The following IRAG1 variants were observed in gnomAD, a reference collection of about 807,000 sequenced individuals.
IRAG1 encodes the protein IP3R-associated cGMP kinase substrate.
In IRAG1, 62 loss-of-function variants were observed where a neutral mutation model predicts 106.2. The ratio of observed to expected loss-of-function variants is 0.58; its 90% CI spans 0.48 to 0.72. The LOEUF (loss-of-function observed/expected upper bound fraction) is 0.72, where lower values mean the gene tolerates loss of function less well. IRAG1 is among the 30% of genes least tolerant of loss of function. IRAG1 has a pLI of 0.00. For synonymous variants in IRAG1, 462 were observed against 443.9 expected, an observed-to-expected ratio of 1.04 and a Z score of -0.51; for missense variants, 1,064 against 1,140.7, an observed-to-expected ratio of 0.93 and a Z score of 0.97.
intron 1 of IRAG1, among the ~76,000 whole-genome samples, chr11:10,675,121 C>T (rs553146106): frequency 6.6e-6 from 1 of 152,344 alleles, no homozygotes; most frequent in Non-Finnish European, 1.5e-5. Flanking sequence ...ATCTCCCTGG[C>T]TGTGCACCAT....
chr11:10,643,256 C>T (rs935832342), intron 2 of IRAG1, among the ~76,000 whole-genome samples: 1 of 148,132 alleles, frequency 6.8e-6, no homozygotes, highest in Non-Finnish European at 1.5e-5. Flanking sequence ...CCTAGGGGCA[C>T]AGGAGAGAGC....
chr11:10,680,685 C>A (rs1861186931), intron 1 of IRAG1, among the ~76,000 whole-genome samples: 1 of 151,996 alleles, frequency 6.6e-6, no homozygotes. Flanking sequence ...GGTTCATATC[C>A]CAGCCCTGCC....
chr11:10,686,928 A>C (rs1861700372), intron 1 of IRAG1, among the ~76,000 whole-genome samples: 1 of 152,256 alleles, frequency 6.6e-6, no homozygotes, highest in Non-Finnish European at 1.5e-5. Context: ...CCCAGAAGAA[A>C]GGAGTTAAGA....
At chr11:10,653,052 TC>T (rs1336713604) in intron 1 of IRAG1, among the ~76,000 whole-genome samples, 6 of 152,026 alleles carry the variant, frequency 3.9e-5, no homozygotes, top group African/African-American at 1.5e-4. Context: ...CTCATCCACC[TC>T]CCACAGTGAC....
intron 1 of IRAG1, among the ~76,000 whole-genome samples, chr11:10,670,710 C>T (rs1217068827): frequency 6.6e-6 from 1 of 152,034 alleles, no homozygotes; most frequent in Non-Finnish European, 1.5e-5. Flanking sequence ...TTAAATGAGG[C>T]CATTAGAATA....
chr11:10,641,226 C>T (rs1857485245), intron 2 of IRAG1, among the ~76,000 whole-genome samples: 1 of 152,208 alleles, frequency 6.6e-6, no homozygotes, highest in Non-Finnish European at 1.5e-5. Flanking sequence ...TGGAAGTGCA[C>T]CTAGCACTGA....
chr11:10,610,121 AATGTT>A (rs1209988630), intron 10 of IRAG1, among the ~76,000 whole-genome samples: 3 of 152,308 alleles, frequency 2.0e-5, no homozygotes, highest in African/African-American at 7.2e-5. Context: ...ACCTGCTTCA[AATGTT>A]ATGTTCTTCC....
intron 15 of IRAG1, 82 bp from the exon 16 acceptor site, chr11:10,594,277 ATC>A: frequency 7.4e-7 from 1 of 1,357,206 alleles, no homozygotes; most frequent in Non-Finnish European, 1.0e-6. Context: ...AGGCTATCGT[ATC>A]CATGGGCCAG....
At chr11:10,582,323 AT>A (rs1851476930) in intron 18 of IRAG1, among the ~76,000 whole-genome samples, 1 of 152,082 alleles carries the variant, frequency 6.6e-6, no homozygotes, top group South Asian at 2.1e-4. Context: ...AGGTCATTCC[AT>A]TCCTGTTGTC....
At chr11:10,655,781 C>G (rs917084175) in intron 1 of IRAG1, among the ~76,000 whole-genome samples, 3 of 152,216 alleles carry the variant, frequency 2.0e-5, no homozygotes, top group Non-Finnish European at 4.4e-5. Context: ...CTCCACCTCC[C>G]TCTCTTCCAA....
chr11:10,680,845 T>C (rs1024722457), intron 1 of IRAG1, among the ~76,000 whole-genome samples: 2 of 152,142 alleles, frequency 1.3e-5, no homozygotes, highest in African/African-American at 4.8e-5. Flanking sequence ...TCTAATAAGG[T>C]CCTTGGGGCC....
rs747215099 is a variant in IRAG1 at position 10,626,072 on chromosome 11, C to T, written c.1262G>A (p.Arg421His). The T allele has an allele frequency of 1.8e-5, 28 of 1,534,392 alleles. No homozygotes were observed. Among genetic ancestry groups the T allele is most frequent in the Admixed American group, 4.3e-5 (2 of 46,210 alleles). ...CTTGCCGCCGGCCTTGCCTGCAAAA[C>T]GCTTTTCTTCCTCTGCCAGTGGCAG... ...AKLPLAEEEKRFAGKAGGKLA... is the reference protein window; with the variant it reads ...AKLPLAEEEKHFAGKAGGKLA... Residue 421 changes from arginine (R) to histidine (H), a missense_variant, in exon 9 of 21, where the codon CGT (arginine) becomes CAT (histidine). By Grantham distance (29) the Arg-to-His change is conservative (BLOSUM62 0). Coordinates refer to ENST00000423302, the MANE Select transcript of IRAG1 (RefSeq NM_130385.4).
At chr11:10,614,035 TATA>T (rs1855191763) in intron 10 of IRAG1, among the ~76,000 whole-genome samples, 1 of 152,270 alleles carries the variant, frequency 6.6e-6, no homozygotes, top group African/African-American at 2.4e-5. Flanking sequence ...CGGGCCACCC[TATA>T]GCCTAGGTCC....
chr11:10,636,828 A>T (rs1302816843), intron 2 of IRAG1, among the ~76,000 whole-genome samples: 1 of 152,216 alleles, frequency 6.6e-6, no homozygotes, highest in Non-Finnish European at 1.5e-5. Context: ...CACGACAAAG[A>T]TGTTAGAGGA....
chr11:10,620,957 T>C (rs928604536), intron 10 of IRAG1, among the ~76,000 whole-genome samples: 3 of 152,094 alleles, frequency 2.0e-5, no homozygotes, highest in South Asian at 2.1e-4. Flanking sequence ...TGAGGAGAAA[T>C]TGCTGAGTAT....
At chr11:10,673,543 G>A (rs1034127950) in intron 1 of IRAG1, among the ~76,000 whole-genome samples, 9 of 151,974 alleles carry the variant, frequency 5.9e-5, no homozygotes, top group African/African-American at 2.2e-4. Flanking sequence ...GTTTCTTTTT[G>A]GATGATAAAA....
intron 1 of IRAG1, among the ~76,000 whole-genome samples, chr11:10,683,208 G>A (rs1861399932): frequency 6.6e-6 from 1 of 152,118 alleles, no homozygotes; most frequent in South Asian, 2.1e-4. Flanking sequence ...CAGTGTTACG[G>A]AACTGATGTA....
chr11:10,576,303 A>G lies in IRAG1; in HGVS notation c.*29T>C. On this transcript the variant is annotated 3_prime_UTR_variant, in exon 21 of 21. Transcript: ENST00000423302. ...AAGGGTGGTAGTCTGAGTGTCTCAG[A>G]GCAGGGCACTGGCTAGGTGTGAGGT... 4 of 1,611,970 alleles carry G rather than the reference A, an allele frequency of 2.5e-6. No homozygotes were observed. Among genetic ancestry groups the G allele is most frequent in the Non-Finnish European group, 3.4e-6 (4 of 1,179,190 alleles).
At chr11:10,617,819 A>G (rs1855544168) in intron 10 of IRAG1, among the ~76,000 whole-genome samples, 3 of 152,162 alleles carry the variant, frequency 2.0e-5, no homozygotes, top group Admixed American at 2.0e-4. Flanking sequence ...TAGCTGTCAA[A>G]CTATCCTGTC....
Sources: gnomAD v4.1 joint callset for allele counts (sites outside exome capture counted in the v4.1 genomes callset) on GRCh38, gnomAD v4.1.1 for gene constraint, MANE v1.5 for transcripts, NCBI Gene and HGNC (gene_info 2026-07-23, HGNC 2026-07-21) for gene names.